Variants in BMP6 observed in about 807,000 individuals in gnomAD.
The protein encoded by BMP6 is bone morphogenetic protein 6, also known as VG-1-R.
BMP6 carries 17 observed loss-of-function variants against 54.1 expected under a neutral mutation model. That is an observed-to-expected ratio of 0.31 (90% CI 0.22 to 0.47). The LOEUF (loss-of-function observed/expected upper bound fraction) is 0.47. BMP6 is among the 20% of genes least tolerant of loss of function. BMP6 has a pLI of 1.00. For synonymous variants in BMP6, 328 were observed against 291.2 expected (o/e 1.13, Z -1.28); for missense variants, 720 against 690.4 (o/e 1.04, Z -0.48).
intron 1 of BMP6, among the ~76,000 whole-genome samples, chr6:7,791,366 T>C (rs888585654): frequency 2.0e-5 from 3 of 152,208 alleles, no homozygotes; most frequent in Admixed American, 2.0e-4. Flanking sequence ...GACTCTCTCA[T>C]TGCCACATCT....
intron 1 of BMP6, among the ~76,000 whole-genome samples, chr6:7,779,131 A>G (rs188652629): frequency 2.0e-5 from 3 of 152,316 alleles, no homozygotes; most frequent in Admixed American, 1.3e-4. Flanking sequence ...GCCGAGTAGG[A>G]GGACCCATTC....
chr6:7,837,168 G>A (rs1758888611), intron 1 of BMP6, among the ~76,000 whole-genome samples: 1 of 152,094 alleles, frequency 6.6e-6, no homozygotes, highest in Non-Finnish European at 1.5e-5. Flanking sequence ...ATGTTAAATC[G>A]ATTGCTCTGT....
At chr6:7,771,266 C>T (rs1277345846) in intron 1 of BMP6, among the ~76,000 whole-genome samples, 1 of 152,146 alleles carries the variant, frequency 6.6e-6, no homozygotes, top group African/African-American at 2.4e-5. Context: ...CTGGGCTTGT[C>T]CAGCTCCTTA....
At chr6:7,855,263 A>C (rs1433146595) in intron 2 of BMP6, among the ~76,000 whole-genome samples, 3 of 152,194 alleles carry the variant, frequency 2.0e-5, no homozygotes, top group Non-Finnish European at 4.4e-5. Context: ...CTTGGCTCAC[A>C]AAGTATGGTT....
chr6:7,751,111 A>G (rs1757416666), intron 1 of BMP6, among the ~76,000 whole-genome samples: 1 of 152,206 alleles, frequency 6.6e-6, no homozygotes. Context: ...ACCAAGTGGT[A>G]TTGCCTCCCG....
At chr6:7,798,350 C>T (rs1018238285) in intron 1 of BMP6, among the ~76,000 whole-genome samples, 6 of 152,224 alleles carry the variant, frequency 3.9e-5, no homozygotes, top group Non-Finnish European at 8.8e-5. Context: ...GTCTGGACCA[C>T]TTTCCTCACC....
intron 1 of BMP6, among the ~76,000 whole-genome samples, chr6:7,801,471 A>G (rs1031723073): frequency 3.3e-5 from 5 of 152,212 alleles, no homozygotes; most frequent in Non-Finnish European, 5.9e-5. Context: ...TCTGGTCAAC[A>G]TTGAGCTCTG....
chr6:7,735,413 C>T (rs924411691), intron 1 of BMP6, among the ~76,000 whole-genome samples: 1 of 152,214 alleles, frequency 6.6e-6, no homozygotes, highest in Non-Finnish European at 1.5e-5. Context: ...TTTTCCCTCC[C>T]TCCTTTTGAA....
chr6:7,817,264 ACTT>A (rs1352607451), intron 1 of BMP6, among the ~76,000 whole-genome samples: 8 of 152,134 alleles, frequency 5.3e-5, no homozygotes, highest in Admixed American at 2.0e-4. Context: ...ACAACACTGG[ACTT>A]CTTATCTTTT....
At chr6:7,810,404 C>A (rs1179382825) in intron 1 of BMP6, among the ~76,000 whole-genome samples, 1 of 152,192 alleles carries the variant, frequency 6.6e-6, no homozygotes, top group Non-Finnish European at 1.5e-5. Flanking sequence ...AAGTGACTTT[C>A]CCAAGGCTCC....
chr6:7,804,586 T>C (rs1230016162), intron 1 of BMP6, among the ~76,000 whole-genome samples: 3 of 152,192 alleles, frequency 2.0e-5, no homozygotes, highest in Non-Finnish European at 2.9e-5. Flanking sequence ...GACACATGGG[T>C]AATGCTGGAA....
chr6:7,849,006 A>T (rs1208597713), intron 2 of BMP6, among the ~76,000 whole-genome samples: 2 of 152,218 alleles, frequency 1.3e-5, no homozygotes, highest in African/African-American at 4.8e-5. Context: ...GCACATACGA[A>T]TTTTGCCAAG....
chr6:7,741,933 C>A (rs143106217), intron 1 of BMP6, among the ~76,000 whole-genome samples: 1 of 152,364 alleles, frequency 6.6e-6, no homozygotes, highest in South Asian at 2.1e-4. Flanking sequence ...CCTCCTCCCC[C>A]CAAGTGCCTA....
intron 1 of BMP6, 33 bp downstream of exon 1, chr6:7,727,652 A>T (rs771565802): frequency 2.7e-6 from 4 of 1,484,844 alleles, no homozygotes; most frequent in Admixed American, 4.4e-5. Flanking sequence ...TGACGAGAAC[A>T]TTTCCCCCTT....
At chr6:7,779,261 A>G (rs1757904709) in intron 1 of BMP6, among the ~76,000 whole-genome samples, 1 of 152,204 alleles carries the variant, frequency 6.6e-6, no homozygotes. Context: ...GGGATGCTCA[A>G]GTTATCAGCT....
In BMP6 at chr6:7,862,498, G is replaced by A; in HGVS notation, c.1204G>A (p.Asp402Asn). 6.2e-7 allele frequency: 1 copy of A among 1,613,858 alleles called. No individual in the cohort carries two copies. Among genetic ancestry groups the A allele is most frequent in the South Asian group, 1.1e-5 (1 of 91,068 alleles). ...QDVARVSSAS[D>N]YNSSELKTAC... The stretch of plus-strand genomic sequence containing the variant: ...CGTGGCGCGGGTCTCCAGTGCTTCA[G>A]GTGGGTTTGTGGGGAGCCTGTGTTT... The change falls in exon 4 of 7, where the codon GAT becomes AAT. Residue 402 changes from aspartate to asparagine, a missense_variant and splice_region_variant. Coordinates refer to ENST00000283147, the MANE Select transcript of BMP6 (RefSeq NM_001718.6).
intron 1 of BMP6, among the ~76,000 whole-genome samples, chr6:7,809,134 T>C (rs536453297): frequency 5.0e-4 from 75 of 148,786 alleles, no homozygotes; most frequent in Non-Finnish European, 8.0e-4. Context: ...AAAACGCTTT[T>C]TAAACATGTT....
intron 1 of BMP6, among the ~76,000 whole-genome samples, chr6:7,833,680 A>G (rs1758825993): frequency 6.6e-6 from 1 of 152,184 alleles, no homozygotes; most frequent in Non-Finnish European, 1.5e-5. Context: ...TGGTGGTCAT[A>G]ATATTTGCTC....
intron 1 of BMP6, among the ~76,000 whole-genome samples, chr6:7,756,319 TC>T (rs1757514042): frequency 6.6e-6 from 1 of 152,166 alleles, no homozygotes; most frequent in Non-Finnish European, 1.5e-5. Context: ...AATGCATTTT[TC>T]ATTTGACTAA....
Sources: gnomAD v4.1 joint callset for allele counts (sites outside exome capture counted in the v4.1 genomes callset) on GRCh38, gnomAD v4.1.1 for gene constraint, MANE v1.5 for transcripts, NCBI Gene and HGNC (gene_info 2026-07-23, HGNC 2026-07-21) for gene names.